Variants in NUP62CL observed in about 807,000 individuals in gnomAD.
The protein encoded by NUP62CL is nucleoporin-62 C-terminal-like protein.
A neutral mutation model predicts 15.3 loss-of-function variants in NUP62CL; 13 were observed. The ratio of observed to expected loss-of-function variants is 0.85; its 90% CI spans 0.55 to 1.35. NUP62CL has a LOEUF of 1.35. Among genes scored for constraint, NUP62CL ranks in the 40% most tolerant of loss-of-function variants. NUP62CL has a pLI of 0.00. For missense variants in NUP62CL, 123 were observed against 130.6 expected, an observed-to-expected ratio of 0.94 and a Z score of 0.28; for synonymous variants, 54 against 49.2, an observed-to-expected ratio of 1.10 and a Z score of -0.41.
At chrX:107,202,531 G>C (rs1927509475) in intron 1 of NUP62CL, 2 of 110,239 alleles carry the variant, frequency 1.8e-5, no homozygotes, top group African/African-American at 6.6e-5. Context: ...ATTTTTTAAA[G>C]TAAATCATTT....
At chrX:107,173,861 C>T (rs146846881) in intron 3 of NUP62CL, among the ~76,000 whole-genome samples, 2,547 of 110,259 alleles carry the variant, frequency 0.023, 31 homozygotes, top group Non-Finnish European at 0.036. Flanking sequence ...GACAATCTTA[C>T]TGTCATAGAG....
chrX:107,189,877 A>AAAAGAAAGAAAGAAAG lies in NUP62CL; in HGVS notation c.-48+3136_-48+3151dup, dbSNP rs55670914. On this transcript the variant is annotated intron_variant, in intron 2 of 8. Coordinates refer to ENST00000372466, the MANE Select transcript of NUP62CL (RefSeq NM_017681.3). ...AGGAAGGAAGGAAGGAAAAAGAAAG[A>AAAAGAAAGAAAGAAAG]AAAGAAAGAAAGAAAGAAAGAAAGA... 3.7e-4 allele frequency among the ~76,000 whole-genome samples: 21 copies of AAAAGAAAGAAAGAAAG among 56,122 alleles called. 1 individual carries two copies. Among genetic ancestry groups the AAAAGAAAGAAAGAAAG allele is most frequent in the South Asian group, 2.2e-3 (2 of 925 alleles). 48.7% of individuals were successfully genotyped at this position (56,122 alleles called of 115,157 possible).
intron 1 of NUP62CL, chrX:107,202,681 T>TAAAAAAAAAAAAAA (rs765528970): frequency 1.4e-5 from 1 of 73,014 alleles, no homozygotes; most frequent in Admixed American, 1.6e-4. Context: ...TTGACTGTCT[T>TAAAAAAAAAAAAAA]AAAAAAAAAA....
rs193048983 is a variant in NUP62CL at position 107,178,131 on chromosome X, T to C, written c.-47-2938A>G. ...TATATTATTCCATTTATAAAAAATA[T>C]ATGATTCCATTACAGAGACAAAATG... On this transcript the variant is annotated intron_variant, in intron 2 of 8. Transcript: ENST00000372466. Among the ~76,000 whole-genome samples the C allele has an allele frequency of 9.8e-4, 109 of 111,767 alleles. 1 individual carries two copies. The highest frequency in any genetic ancestry group is 9.7e-3 in the Admixed American group (102 of 10,488).
At chrX:107,187,567 G>A (rs1390576413) in intron 2 of NUP62CL, among the ~76,000 whole-genome samples, 1 of 111,554 alleles carries the variant, frequency 9.0e-6, no homozygotes, top group Non-Finnish European at 1.9e-5. Context: ...CCGGCTGACT[G>A]TTGTGTTTTT....
At chrX:107,126,508 T>C (rs183026815) in intron 8 of NUP62CL, among the ~76,000 whole-genome samples, 2 of 112,368 alleles carry the variant, frequency 1.8e-5, no homozygotes, top group East Asian at 5.5e-4. Context: ...CAGCATGATA[T>C]GGGCAATAAT....
At chrX:107,124,771 A>G (rs1925350519) in intron 8 of NUP62CL, among the ~76,000 whole-genome samples, 1 of 111,320 alleles carries the variant, frequency 9.0e-6, no homozygotes, top group Admixed American at 9.6e-5. Flanking sequence ...GTGGTTCTTA[A>G]ATTTTCTCAG....
In NUP62CL at chrX:107,154,254, A is replaced by T; in HGVS notation, c.195-8T>A. 8.5e-7 allele frequency: 1 copy of T among 1,179,667 alleles called. No individual in the cohort carries two copies. Among genetic ancestry groups the T allele is most frequent in the African/African-American group, 1.8e-5 (1 of 56,564 alleles). On this transcript the variant is annotated splice_region_variant and splice_polypyrimidine_tract_variant and intron_variant, in intron 4 of 8. Coordinates refer to ENST00000372466, the MANE Select transcript of NUP62CL (RefSeq NM_017681.3). ...ACAGGAGTTGCTACTACACTAAAACATAAAAAGATGCAGGATGATCCAATA... is the reference window on the plus strand; with the variant it reads ...ACAGGAGTTGCTACTACACTAAAACTTAAAAAGATGCAGGATGATCCAATA...
At chrX:107,141,374 TA>T (rs1219848907) in intron 8 of NUP62CL, among the ~76,000 whole-genome samples, 1 of 112,087 alleles carries the variant, frequency 8.9e-6, no homozygotes, top group Non-Finnish European at 1.9e-5. Flanking sequence ...TGGAAAGACA[TA>T]AAATACCTTT....
chrX:107,178,040 G>A (rs1425666907), intron 2 of NUP62CL, among the ~76,000 whole-genome samples: 4 of 111,684 alleles, frequency 3.6e-5, no homozygotes, highest in Non-Finnish European at 3.8e-5. Flanking sequence ...AAAGTACCAC[G>A]CTACCATATG....
At chrX:107,190,446 C>T (rs1186646175) in intron 2 of NUP62CL, among the ~76,000 whole-genome samples, 1 of 111,718 alleles carries the variant, frequency 9.0e-6, no homozygotes, top group Non-Finnish European at 1.9e-5. Flanking sequence ...TACTATATGC[C>T]AATTGGTCTA....
intron 4 of NUP62CL, among the ~76,000 whole-genome samples, chrX:107,157,597 C>T (rs1346450098): frequency 5.5e-5 from 6 of 108,219 alleles, no homozygotes; most frequent in Middle Eastern, 4.3e-3. Flanking sequence ...TTGTCACCAC[C>T]AGGCCTGCCC....
chrX:107,147,360 G>A (rs1222581550), intron 8 of NUP62CL, among the ~76,000 whole-genome samples: 2 of 111,229 alleles, frequency 1.8e-5, no homozygotes, highest in African/African-American at 6.5e-5. Context: ...TTTAGTTTCA[G>A]TATGTATTCA....
At chrX:107,130,372 T>C (rs1925485989) in intron 8 of NUP62CL, among the ~76,000 whole-genome samples, 1 of 112,012 alleles carries the variant, frequency 8.9e-6, no homozygotes, top group African/African-American at 3.2e-5. Flanking sequence ...CAGGGAAAAT[T>C]ATTTCCAAGC....
intron 8 of NUP62CL, among the ~76,000 whole-genome samples, chrX:107,139,434 A>G (rs973303981): frequency 1.8e-4 from 20 of 111,962 alleles, no homozygotes; most frequent in African/African-American, 5.5e-4. Context: ...AACTAGGTAA[A>G]GAATTAACAT....
chrX:107,133,001 T>C (rs1419279599), intron 8 of NUP62CL, among the ~76,000 whole-genome samples: 1 of 111,673 alleles, frequency 9.0e-6, no homozygotes, highest in Non-Finnish European at 1.9e-5. Flanking sequence ...ATGGAGTTTT[T>C]GGGGTTGGGG....
intron 4 of NUP62CL, among the ~76,000 whole-genome samples, chrX:107,156,104 T>C (rs1471031803): frequency 9.0e-6 from 1 of 110,816 alleles, no homozygotes; most frequent in Non-Finnish European, 1.9e-5. Flanking sequence ...CGAGACTATA[T>C]CCCACACCTG....
chrX:107,179,549 C>A (rs1926865345), intron 2 of NUP62CL, among the ~76,000 whole-genome samples: 1 of 111,930 alleles, frequency 8.9e-6, no homozygotes, highest in African/African-American at 3.2e-5. Context: ...TTCACTTAGG[C>A]CTCTGGCTCC....
intron 4 of NUP62CL, among the ~76,000 whole-genome samples, chrX:107,161,734 C>G (rs1445187583): frequency 1.5e-4 from 14 of 95,227 alleles, no homozygotes; most frequent in African/African-American, 5.5e-4. Flanking sequence ...ATGTAACTAA[C>G]CTGCACAATG....
Sources: allele counts gnomAD v4.1 joint callset (sites outside exome capture counted in the v4.1 genomes callset), GRCh38; gene constraint gnomAD v4.1.1; transcripts MANE v1.5; gene names NCBI Gene and HGNC (gene_info 2026-07-23, HGNC 2026-07-21).